UQCRB: variants seen among roughly 807,000 people sequenced by gnomAD.
The protein encoded by UQCRB is ubiquinol-cytochrome c reductase binding protein.
A neutral mutation model predicts 19.8 loss-of-function variants in UQCRB; 12 were observed. The ratio of observed to expected loss-of-function variants is 0.61; its 90% CI spans 0.39 to 0.98. The LOEUF is 0.98. Among genes scored for constraint, UQCRB ranks in the 50% least tolerant of loss-of-function variants. The pLI is 0.00. For missense variants in UQCRB, 142 were observed against 131.8 expected (o/e 1.08, Z -0.38); for synonymous variants, 39 against 42.9 (o/e 0.91, Z 0.35).
rs1385982012 is a variant in UQCRB at position 96,230,400 on chromosome 8, A to C, written c.*655T>G. On this transcript the variant is annotated 3_prime_UTR_variant, in exon 4 of 4. Coordinates refer to ENST00000287022, the MANE Select transcript of UQCRB (RefSeq NM_006294.5). ...CCAATGATTCTAATTTATATTTTTA[A>C]AAATTACCCTATAATCTTAAAACTT... 4.5e-6 allele frequency: 2 copies of C among 443,152 alleles called. No homozygotes were observed. The highest frequency in any genetic ancestry group is 4.1e-5 in the African/African-American group (2 of 49,092). 27.5% of individuals were successfully genotyped at this position (443,152 alleles called of 1,614,324 possible).
intron 3 of UQCRB, 155 bp downstream of exon 3, chr8:96,231,619 C>A: frequency 2.2e-6 from 3 of 1,363,498 alleles, no homozygotes; most frequent in Non-Finnish European, 3.1e-6. Flanking sequence ...ATGTGGTTTT[C>A]TTCTAAAACG....
intron 1 of UQCRB, chr8:96,234,176 A>T: frequency 5.1e-6 from 1 of 196,222 alleles, no homozygotes; most frequent in Non-Finnish European, 1.1e-5. Context: ...TGCACTACAG[A>T]TTACGTGGCT....
At position 96,224,570 on chromosome 8, in the gene UQCRB, G is replaced by C. The variant is rs1020438313; in HGVS notation, c.*6485C>G. 6.6e-6 allele frequency among the ~76,000 whole-genome samples: 1 copy of C among 152,212 alleles called. No individual in the cohort carries two copies. The highest frequency in any genetic ancestry group is 2.4e-5 in the African/African-American group (1 of 41,446). ...AGAATGAGAAGCCACAGAAGGGGCT[G>C]ATTACCAGGCTGCATCACCCTCAAC... is the stretch of plus-strand genomic sequence containing the variant. On this transcript the variant is annotated 3_prime_UTR_variant, in exon 4 of 4. Coordinates refer to ENST00000287022, the MANE Select transcript of UQCRB (RefSeq NM_006294.5).
In UQCRB at chr8:96,224,221, G is replaced by A. The variant is rs752928605; in HGVS notation, c.*6834C>T. Among the ~76,000 whole-genome samples, 5 of 152,196 alleles carry A rather than the reference G, an allele frequency of 3.3e-5. No homozygotes were observed. The highest frequency in any genetic ancestry group is 7.3e-5 in the Non-Finnish European group (5 of 68,030). On this transcript the variant is annotated 3_prime_UTR_variant, in exon 4 of 4. Coordinates refer to ENST00000287022, the MANE Select transcript of UQCRB (RefSeq NM_006294.5). ...TTAACAAACGGCAGGCAAGGTCAAG[G>A]AGAACCAACTTTGATAGAGATAGCA...
Position 96,229,638 on chromosome 8 carries a change from T to G in UQCRB, c.*1417A>C, listed in dbSNP as rs1482722605. 1.3e-5 allele frequency: 6 copies of G among 453,994 alleles called. No individual in the cohort carries two copies. In the Admixed American group the frequency reaches 1.4e-4, roughly 11 times the overall value. The allele number at this position is 453,994 out of a possible 1,614,324, so 28.1% of individuals were successfully genotyped here. ...TTGGCCTCCTTCTGCAAAGTAGGAC[T>G]ACATTAAAACCTTGTCACAATGTGA... On this transcript the variant is annotated 3_prime_UTR_variant, in exon 4 of 4. Transcript: ENST00000287022.
chr8:96,234,636 C>T (rs1024424440), intron 1 of UQCRB: 10 of 570,692 alleles, frequency 1.8e-5, no homozygotes, highest in African/African-American at 1.4e-4. Flanking sequence ...CTGATGTTTC[C>T]TAACAGCTTC....
At chr8:96,235,378 T>C in intron 1 of UQCRB, 134 bp downstream of exon 1, 1 of 1,306,026 alleles carries the variant, frequency 7.7e-7, no homozygotes, top group Non-Finnish European at 1.1e-6. Flanking sequence ...TCCTTTTCAC[T>C]GGACTGAAGC....
intron 1 of UQCRB, chr8:96,234,476 T>C (rs1024432372): frequency 7.8e-7 from 1 of 1,288,398 alleles, no homozygotes; most frequent in African/African-American, 1.5e-5. Flanking sequence ...AGATCTGGTC[T>C]ATGTAGTTCC....
rs368610488 is a variant in UQCRB at position 96,233,235 on chromosome 8, T to C, written c.20-8A>G. Reference sequence around the variant, plus strand: ...ACTTGCCTGATGCTGAAACTGATAATTGTCACACTGTTAATTGCTACAATT... The same window carrying C: ...ACTTGCCTGATGCTGAAACTGATAACTGTCACACTGTTAATTGCTACAATT... On this transcript the variant is annotated splice_polypyrimidine_tract_variant and splice_region_variant and intron_variant, in intron 1 of 3. Coordinates refer to ENST00000287022, the MANE Select transcript of UQCRB (RefSeq NM_006294.5). 23 of 1,613,342 alleles carry C rather than the reference T, an allele frequency of 1.4e-5. No individual in the cohort carries two copies. The highest frequency in any genetic ancestry group is 2.7e-5 in the African/African-American group (2 of 74,908).
rs1410247140 is a variant in UQCRB at position 96,227,790 on chromosome 8, A to G, written c.*3265T>C. Reference sequence around the variant, plus strand: ...AAAATTAGTGCAGAGTTAATGCTTGAAAAGGGAGTCCTTAAAGTAAATAAC... The same window carrying G: ...AAAATTAGTGCAGAGTTAATGCTTGGAAAGGGAGTCCTTAAAGTAAATAAC... On this transcript the variant is annotated 3_prime_UTR_variant, in exon 4 of 4. Transcript: ENST00000287022. 2 of 453,614 alleles carry G rather than the reference A, an allele frequency of 4.4e-6. No homozygotes were observed. The highest frequency in any genetic ancestry group is 4.0e-5 in the African/African-American group (2 of 49,972). 28.1% of individuals were successfully genotyped at this position (453,614 alleles called of 1,614,324 possible).
rs1260055197 is a variant in UQCRB at position 96,228,129 on chromosome 8, G to A, written c.*2926C>T. ...GCACTACAACAGTGAACATAAGCCA[G>A]CCATCTGTTTTTTTGCAAAGTATAG... On this transcript the variant is annotated 3_prime_UTR_variant, in exon 4 of 4. Transcript: ENST00000287022. 3 of 453,962 alleles carry A rather than the reference G, an allele frequency of 6.6e-6. No individual in the cohort carries two copies. Among genetic ancestry groups the A allele is most frequent in the Non-Finnish European group, 1.3e-5 (3 of 226,792 alleles). 28.1% of individuals were successfully genotyped at this position (453,962 alleles called of 1,614,324 possible). A position where few individuals can be genotyped will look rare whatever the true frequency, so the allele number is the denominator to read the frequency against.
rs986594263 is a variant in UQCRB, at chr8:96,228,879, G to C, written c.*2176C>G. On this transcript the variant is annotated 3_prime_UTR_variant, in exon 4 of 4. Transcript: ENST00000287022. ...AGGACAATGTAGATTTGGTCTACAG[G>C]ACAATGCAGAGTGCCTGTGTTTCAG... The C allele has an allele frequency of 4.4e-6, 2 of 453,962 alleles. No homozygotes were observed. The highest frequency in any genetic ancestry group is 4.0e-5 in the African/African-American group (2 of 49,996). The allele number at this position is 453,962 out of a possible 1,614,324, so 28.1% of individuals were successfully genotyped here. A position where few individuals can be genotyped will look rare whatever the true frequency, so the allele number is the denominator to read the frequency against.
intron 1 of UQCRB, chr8:96,235,293 A>C: frequency 1.5e-6 from 1 of 661,740 alleles, no homozygotes. Context: ...GGGCACCTTC[A>C]CAAACAGCGG....
chr8:96,235,063 C>T, intron 1 of UQCRB: 1 of 272,830 alleles, frequency 3.7e-6, no homozygotes, highest in South Asian at 3.7e-5. Context: ...GTTATCTTAT[C>T]AGCGTAAAAG....
rs537005456 is a variant in UQCRB, at chr8:96,227,386, C to A, written c.*3669G>T. On this transcript the variant is annotated 3_prime_UTR_variant, in exon 4 of 4. Transcript: ENST00000287022. ...TTCCATAGTGCTCGTGTGATGTACA[C>A]TAAGTTGTAAAGTTATAGGGCATCG... The A allele has an allele frequency of 1.3e-4, 60 of 454,066 alleles. No individual in the cohort carries two copies. The highest frequency in any genetic ancestry group is 4.5e-4 in the Admixed American group (19 of 42,560). The allele number at this position is 454,066 out of a possible 1,614,324, so 28.1% of individuals were successfully genotyped here.
In UQCRB at chr8:96,230,405, T is replaced by C. The variant is rs543050124; in HGVS notation, c.*650A>G. 1 of 443,482 alleles carries C rather than the reference T, an allele frequency of 2.3e-6. No individual in the cohort carries two copies. Among genetic ancestry groups the C allele is most frequent in the Admixed American group, 2.5e-5 (1 of 40,048 alleles). The allele number at this position is 443,482 out of a possible 1,614,324, so 27.5% of individuals were successfully genotyped here. A position where few individuals can be genotyped will look rare whatever the true frequency, so the allele number is the denominator to read the frequency against. On this transcript the variant is annotated 3_prime_UTR_variant, in exon 4 of 4. Transcript: ENST00000287022. ...GATTCTAATTTATATTTTTAAAAAT[T>C]ACCCTATAATCTTAAAACTTTTAAC...
rs1213969147 is a variant in UQCRB at position 96,226,956 on chromosome 8, T to C, written c.*4099A>G. 5 of 454,038 alleles carry C rather than the reference T, an allele frequency of 1.1e-5. No individual in the cohort carries two copies. Among genetic ancestry groups the C allele is most frequent in the Non-Finnish European group, 2.2e-5 (5 of 226,764 alleles). 28.1% of individuals were successfully genotyped at this position (454,038 alleles called of 1,614,324 possible). ...TACAATAAAATTTCTTAGCAAAATA[T>C]AACTTAGAGGCACTATCCGACCTGA... On this transcript the variant is annotated 3_prime_UTR_variant, in exon 4 of 4. Coordinates refer to ENST00000287022, the MANE Select transcript of UQCRB (RefSeq NM_006294.5).
At chr8:96,235,171 G>T in intron 1 of UQCRB, 1 of 478,790 alleles carries the variant, frequency 2.1e-6, no homozygotes, top group Non-Finnish European at 3.8e-6. Context: ...AGCTCATTCG[G>T]GTTGAAAGTC....
At chr8:96,233,053 G>C in intron 2 of UQCRB, 103 bp downstream of exon 2, 1 of 1,063,144 alleles carries the variant, frequency 9.4e-7, no homozygotes, top group Admixed American at 2.1e-5. Flanking sequence ...ATGGTTTTTG[G>C]AACCACAGTA....
Sources: allele counts gnomAD v4.1 joint callset (sites outside exome capture counted in the v4.1 genomes callset), GRCh38; gene constraint gnomAD v4.1.1; transcripts MANE v1.5; gene names NCBI Gene and HGNC (gene_info 2026-07-23, HGNC 2026-07-21).